The following DAP variants were observed in gnomAD, a reference collection of about 807,000 sequenced individuals.
DAP encodes death-associated protein 1.
Under a neutral mutation model 13.8 loss-of-function variants are expected in DAP, and 8 were observed. The ratio of observed to expected loss-of-function variants is 0.58; its 90% CI spans 0.34 to 1.05. DAP has a LOEUF of 1.05. DAP is among the 50% of genes least tolerant of loss of function. The pLI is 0.03. For synonymous variants in DAP, 47 were observed against 47.5 expected (o/e 0.99, Z 0.04); for missense variants, 106 against 133.2 (o/e 0.80, Z 1.01).
chr5:10,695,279 A>G (rs1371804761), intron 2 of DAP, among the ~76,000 whole-genome samples: 5 of 152,206 alleles, frequency 3.3e-5, no homozygotes, highest in African/African-American at 1.2e-4. Flanking sequence ...CGGCCAGCTC[A>G]GCCACCTCAA....
rs557618352 is a variant in DAP at position 10,717,361 on chromosome 5, G to T, written c.152+30814C>A. On this transcript the variant is annotated intron_variant, in intron 2 of 3. Transcript: ENST00000230895. ...AGGTTCGTGCACAGCCTCGCCAGGT[G>T]TCTACTGTTAAAGTGAGGGCATTGA... 1.2e-4 allele frequency among the ~76,000 whole-genome samples: 18 copies of T among 152,316 alleles called. No individual in the cohort carries two copies. The South Asian group carries it at 3.7e-3, about 32-fold the overall frequency.
intron 2 of DAP, among the ~76,000 whole-genome samples, chr5:10,688,114 T>TAGA (rs1738201910): frequency 1.3e-5 from 2 of 152,022 alleles, no homozygotes; most frequent in African/African-American, 4.8e-5. Context: ...CAGGGTTTTG[T>TAGA]CACGTTTGCC....
At chr5:10,743,343 CT>C (rs540767602) in intron 2 of DAP, among the ~76,000 whole-genome samples, 241 of 152,314 alleles carry the variant, frequency 1.6e-3, no homozygotes, top group Non-Finnish European at 2.4e-3. Context: ...TCCCTCCCAC[CT>C]CTTGGTTGAT....
At chr5:10,685,020 T>C (rs1433362091) in intron 2 of DAP, among the ~76,000 whole-genome samples, 1 of 152,252 alleles carries the variant, frequency 6.6e-6, no homozygotes, top group Non-Finnish European at 1.5e-5. Flanking sequence ...TCTCCTCTGC[T>C]GCCAGTGGTC....
At chr5:10,691,204 G>A (rs1184917604) in intron 2 of DAP, among the ~76,000 whole-genome samples, 1 of 152,210 alleles carries the variant, frequency 6.6e-6, no homozygotes, top group African/African-American at 2.4e-5. Context: ...ATGAAAAGAT[G>A]GCAAAAGGCA....
chr5:10,718,851 G>A (rs904483884), intron 2 of DAP, among the ~76,000 whole-genome samples: 6 of 152,200 alleles, frequency 3.9e-5, no homozygotes, highest in African/African-American at 1.4e-4. Flanking sequence ...TACCTCAGGG[G>A]TATATCAACT....
intron 2 of DAP, among the ~76,000 whole-genome samples, chr5:10,730,291 G>A (rs1450210263): frequency 1.3e-5 from 2 of 152,224 alleles, no homozygotes; most frequent in African/African-American, 2.4e-5. Context: ...CACGTGCAGC[G>A]AGTGGATGCT....
chr5:10,736,096 A>G (rs1425251751), intron 2 of DAP, among the ~76,000 whole-genome samples: 1 of 152,208 alleles, frequency 6.6e-6, no homozygotes, highest in Non-Finnish European at 1.5e-5. Flanking sequence ...AAGGCAGCAG[A>G]GTGAGGCTGC....
intron 2 of DAP, among the ~76,000 whole-genome samples, chr5:10,711,234 GAGC>G (rs377254280): frequency 1.1e-4 from 17 of 152,346 alleles, no homozygotes; most frequent in African/African-American, 4.1e-4. Context: ...GCAGGGCCAA[GAGC>G]AGCGCATGGC....
intron 2 of DAP, among the ~76,000 whole-genome samples, chr5:10,690,606 T>A (rs1434170476): frequency 6.6e-6 from 1 of 152,232 alleles, no homozygotes; most frequent in Non-Finnish European, 1.5e-5. Flanking sequence ...TTGTCAAGGT[T>A]CATTTATGTT....
At chr5:10,724,798 G>A (rs1195384592) in intron 2 of DAP, among the ~76,000 whole-genome samples, 1 of 152,174 alleles carries the variant, frequency 6.6e-6, no homozygotes, top group Non-Finnish European at 1.5e-5. Context: ...CAGTGACTTG[G>A]AGGGAAGAGT....
At chr5:10,718,646 T>A (rs137857518) in intron 2 of DAP, among the ~76,000 whole-genome samples, 1 of 152,244 alleles carries the variant, frequency 6.6e-6, no homozygotes, top group African/African-American at 2.4e-5. Context: ...TATCATAAGC[T>A]TAACCTAGTG....
intron 2 of DAP, among the ~76,000 whole-genome samples, chr5:10,732,826 A>T (rs972092965): frequency 1.3e-5 from 2 of 152,250 alleles, no homozygotes; most frequent in Non-Finnish European, 2.9e-5. Context: ...CACAAAACTT[A>T]CCATCTTAAC....
intron 1 of DAP, among the ~76,000 whole-genome samples, chr5:10,760,679 T>C (rs1049923467): frequency 1.3e-5 from 2 of 152,234 alleles, no homozygotes; most frequent in Non-Finnish European, 2.9e-5. Flanking sequence ...ATCCTCTAAG[T>C]AAATATTATC....
chr5:10,714,470 A>G (rs182411135), intron 2 of DAP, among the ~76,000 whole-genome samples: 1 of 152,384 alleles, frequency 6.6e-6, no homozygotes, highest in East Asian at 1.9e-4. Flanking sequence ...AAAAAAAATT[A>G]CAATTTAAAG....
At chr5:10,729,753 C>T (rs1739388642) in intron 2 of DAP, among the ~76,000 whole-genome samples, 2 of 152,190 alleles carry the variant, frequency 1.3e-5, no homozygotes, top group Non-Finnish European at 2.9e-5. Flanking sequence ...GAAGCCATGT[C>T]CACAGAGATG....
intron 2 of DAP, among the ~76,000 whole-genome samples, chr5:10,747,333 C>G (rs1340977273): frequency 1.3e-5 from 2 of 152,154 alleles, no homozygotes; most frequent in Admixed American, 1.3e-4. Context: ...GAAATCTGAA[C>G]CTTTAAGGAA....
At position 10,694,066 on chromosome 5, in the gene DAP, C is replaced by T. The variant is rs367727501; in HGVS notation, c.153-10495G>A. ...AAGCGCAAGGGCTGTGCTCTTCAGT[C>T]GGGTCGTCTGAGATCTCCACCATCT... On this transcript the variant is annotated intron_variant, in intron 2 of 3. Coordinates refer to ENST00000230895, the MANE Select transcript of DAP (RefSeq NM_004394.3). Among the ~76,000 whole-genome samples the T allele has an allele frequency of 2.2e-3, 339 of 151,378 alleles. 1 individual carries two copies. Among genetic ancestry groups the T allele is most frequent in the Non-Finnish European group, 3.4e-3 (233 of 67,782 alleles).
Position 10,752,442 on chromosome 5 carries a change from A to G in DAP, c.56-4171T>C, listed in dbSNP as rs142436196. On this transcript the variant is annotated intron_variant, in intron 1 of 3. Transcript: ENST00000230895. Reference sequence around the variant, plus strand: ...ACTACAAAAGAAGAATTACTTTTGCAGAAATCTTTGCAGAATTATTTGCAA... The same window carrying G: ...ACTACAAAAGAAGAATTACTTTTGCGGAAATCTTTGCAGAATTATTTGCAA... Among the ~76,000 whole-genome samples the G allele has an allele frequency of 3.3e-4, 50 of 152,392 alleles. No individual in the cohort carries two copies. The East Asian group carries it at 9.0e-3, about 28-fold the overall frequency.
Sources: allele counts gnomAD v4.1 joint callset (sites outside exome capture counted in the v4.1 genomes callset), GRCh38; gene constraint gnomAD v4.1.1; transcripts MANE v1.5; gene names NCBI Gene and HGNC (gene_info 2026-07-23, HGNC 2026-07-21).